The following RICTOR variants were observed in gnomAD, a reference collection of about 807,000 sequenced individuals.
RICTOR encodes the protein rapamycin-insensitive companion of mTOR.
Under a neutral mutation model 214.9 loss-of-function variants are expected in RICTOR, and 49 were observed. The ratio of observed to expected loss-of-function variants is 0.23; its 90% CI spans 0.18 to 0.29. The LOEUF is 0.29. RICTOR is among the 10% of genes least tolerant of loss of function. RICTOR has a pLI of 1.00. For synonymous variants in RICTOR, 717 were observed against 711.3 expected, an observed-to-expected ratio of 1.01 and a Z score of -0.13; for missense variants, 1,625 against 2,047.0, an observed-to-expected ratio of 0.79 and a Z score of 3.98.
At position 38,959,874 on chromosome 5, in the gene RICTOR, C is replaced by T. The variant is rs1749634135; in HGVS notation, c.1956G>A (p.Leu652=). The change falls in exon 21 of 38, where the codon TTG becomes TTA. Residue 652 remains leucine, a synonymous_variant. Coordinates refer to ENST00000357387, the MANE Select transcript of RICTOR (RefSeq NM_152756.5). ...AAAAGTAGTGTTGACTAAGGGTGGT[C>T]AATAAACCATTATTTTGAAGACTTC... ...PERSLQNNGL[L]TTLSQHYFLF... is the part of the protein sequence containing the mutation. 1.9e-6 allele frequency: 3 copies of T among 1,612,630 alleles called. No individual in the cohort carries two copies. The African/African-American group carries it at 4.0e-5, about 22-fold the overall frequency.
chr5:39,013,812 A>G (rs1754733728), intron 3 of RICTOR, among the ~76,000 whole-genome samples: 1 of 152,166 alleles, frequency 6.6e-6, no homozygotes. Flanking sequence ...AAGTCAATAC[A>G]CATTTACATA....
intron 16 of RICTOR, 147 bp from the exon 17 acceptor site, chr5:38,963,188 A>C (rs1156331371): frequency 3.6e-6 from 2 of 554,656 alleles, no homozygotes; most frequent in Non-Finnish European, 6.1e-6. Flanking sequence ...TGGAGAGACA[A>C]ATACAAAAAA....
At chr5:38,945,835 C>A in intron 33 of RICTOR, 111 bp from the exon 34 acceptor site, 5 of 543,032 alleles carry the variant, frequency 9.2e-6, no homozygotes, top group African/African-American at 3.9e-5. Context: ...GACTCAAAAT[C>A]TAACTGGAAA....
chr5:38,949,560 T>C, intron 31 of RICTOR, 152 bp downstream of exon 31: 1 of 1,047,784 alleles, frequency 9.5e-7, no homozygotes, highest in East Asian at 2.5e-5. Context: ...TCAAGTCATA[T>C]CGGGTAACAA....
intron 10 of RICTOR, among the ~76,000 whole-genome samples, chr5:38,972,503 A>G (rs1367294338): frequency 6.6e-6 from 1 of 152,226 alleles, no homozygotes; most frequent in Admixed American, 6.5e-5. Flanking sequence ...AAACACACAC[A>G]AAGTGCTCAA....
At chr5:38,975,627 G>T in intron 9 of RICTOR, 23 bp from the exon 10 acceptor site, 1 of 1,588,776 alleles carries the variant, frequency 6.3e-7, no homozygotes, top group Non-Finnish European at 8.6e-7. Flanking sequence ...GGGAGGCAGC[G>T]GGGAGAATCA....
At chr5:39,012,363 G>A (rs1457044809) in intron 3 of RICTOR, among the ~76,000 whole-genome samples, 1 of 152,062 alleles carries the variant, frequency 6.6e-6, no homozygotes, top group Non-Finnish European at 1.5e-5. Context: ...TTCCTTAGGT[G>A]TCCCCAGCCC....
rs766110639 is a variant in RICTOR at position 38,950,135 on chromosome 5, C to T, written c.3713G>A (p.Arg1238Gln). The change falls in exon 31 of 38, where the codon CGA becomes CAA. Residue 1238 changes from arginine (R) to glutamine (Q), a missense_variant. Physicochemically the swap from Arg to Gln is conservative, Grantham distance 43. Around this residue, in one of 5 missense-constraint regions of RICTOR, gnomAD observed 1,214 missense variants for 1,470.5 expected, o/e 0.83. Coordinates refer to ENST00000357387, the MANE Select transcript of RICTOR (RefSeq NM_152756.5). ...GISSMSSSPS[R>Q]ETVGVDATTM... ...TGTAGCATCTACACCTACTGTCTCT[C>T]GTGAAGGACTTGAGCTCATTGAACT... 6 of 1,613,402 alleles carry T rather than the reference C, an allele frequency of 3.7e-6. No homozygotes were observed. Among genetic ancestry groups the T allele is most frequent in the Non-Finnish European group, 4.2e-6 (5 of 1,179,636 alleles).
chr5:39,020,509 T>C (rs551803823), intron 3 of RICTOR, among the ~76,000 whole-genome samples: 13 of 152,358 alleles, frequency 8.5e-5, no homozygotes, highest in African/African-American at 3.1e-4. Flanking sequence ...CTGTATTTTT[T>C]AATCAATATT....
At chr5:39,007,105 TAGTA>T (rs1754147265) in intron 3 of RICTOR, among the ~76,000 whole-genome samples, 1 of 152,142 alleles carries the variant, frequency 6.6e-6, no homozygotes, top group South Asian at 2.1e-4. Context: ...GACAATGTGT[TAGTA>T]AAAAATATTT....
chr5:39,014,673 A>G (rs1754804977), intron 3 of RICTOR, among the ~76,000 whole-genome samples: 1 of 152,194 alleles, frequency 6.6e-6, no homozygotes, highest in Non-Finnish European at 1.5e-5. Flanking sequence ...CAGTTATAAA[A>G]ATAGAATACT....
At chr5:39,058,078 T>C (rs554491792) in intron 2 of RICTOR, among the ~76,000 whole-genome samples, 19 of 152,116 alleles carry the variant, frequency 1.2e-4, no homozygotes, top group African/African-American at 4.3e-4. Context: ...ATCAATTTCC[T>C]ACAAAATACC....
At chr5:38,966,023 C>T (rs1453921519) in intron 15 of RICTOR, among the ~76,000 whole-genome samples, 1 of 152,012 alleles carries the variant, frequency 6.6e-6, no homozygotes, top group Non-Finnish European at 1.5e-5. Context: ...GATTGATTTG[C>T]TGACAGTAAG....
chr5:39,035,350 G>C (rs1756597039), intron 2 of RICTOR, among the ~76,000 whole-genome samples: 1 of 152,296 alleles, frequency 6.6e-6, no homozygotes, highest in Non-Finnish European at 1.5e-5. Flanking sequence ...ACCTAAGGTA[G>C]ATAAAACCAC....
intron 2 of RICTOR, among the ~76,000 whole-genome samples, chr5:39,067,106 A>T (rs1758960892): frequency 6.6e-6 from 1 of 152,174 alleles, no homozygotes; most frequent in Non-Finnish European, 1.5e-5. Flanking sequence ...CTGTTCTTGC[A>T]CTGCTATAAA....
At chr5:39,072,867 A>T (rs1759416575) in intron 2 of RICTOR, among the ~76,000 whole-genome samples, 2 of 152,232 alleles carry the variant, frequency 1.3e-5, no homozygotes. Context: ...TTCACCCAAA[A>T]CTAAGTCCCT....
At chr5:39,010,499 C>G (rs923045702) in intron 3 of RICTOR, among the ~76,000 whole-genome samples, 6 of 152,042 alleles carry the variant, frequency 3.9e-5, no homozygotes, top group Middle Eastern at 3.2e-3. Flanking sequence ...GAGGCTGGAA[C>G]AGTTAGAGGG....
Position 38,962,952 on chromosome 5 carries a change from A to C in RICTOR, c.1490T>G (p.Ile497Ser), listed in dbSNP as rs1325015106. 6.2e-7 allele frequency: 1 copy of C among 1,612,584 alleles called. No individual in the cohort carries two copies. Among genetic ancestry groups the C allele is most frequent in the Non-Finnish European group, 8.5e-7 (1 of 1,178,756 alleles). ...PKPYSLHLDH[I>S]IQKAIATHQK... ...GTGTGTTGCAATTGCTTTCTGAATA[A>C]TGTGGTCTAAATGAAGACTATAAGG... The change falls in exon 17 of 38, where the codon ATT (isoleucine) becomes AGT (serine). Residue 497 changes from isoleucine to serine, a missense_variant. Ile to Ser is a moderately radical substitution (Grantham distance 142, BLOSUM62 -2). Transcript: ENST00000357387.
At chr5:38,964,142 AC>A (rs1750024590) in intron 16 of RICTOR, among the ~76,000 whole-genome samples, 1 of 151,938 alleles carries the variant, frequency 6.6e-6, no homozygotes, top group Non-Finnish European at 1.5e-5. Flanking sequence ...AAATAAAAAA[AC>A]AACCACAAAA....
Sources: gnomAD v4.1 joint callset for allele counts (sites outside exome capture counted in the v4.1 genomes callset) on GRCh38, gnomAD v4.1.1 for gene constraint, gnomAD v4.1.1 regional missense constraint, MANE v1.5 for transcripts, NCBI Gene and HGNC (gene_info 2026-07-23, HGNC 2026-07-21) for gene names.